The following LATS2 variants were observed in gnomAD, a reference collection of about 807,000 sequenced individuals.
The protein encoded by LATS2 is serine/threonine-protein kinase LATS2.
Under a neutral mutation model 76.0 loss-of-function variants are expected in LATS2, and 24 were observed. The ratio of observed to expected loss-of-function variants is 0.32; its 90% CI spans 0.23 to 0.44. LATS2 has a LOEUF of 0.44. Among genes scored for constraint, LATS2 ranks in the 20% least tolerant of loss-of-function variants. The pLI, the probability that LATS2 is intolerant of heterozygous loss-of-function variation, is 1.00. For synonymous variants in LATS2, 692 were observed against 635.4 expected, an observed-to-expected ratio of 1.09 and a Z score of -1.34; for missense variants, 1,286 against 1,481.2, an observed-to-expected ratio of 0.87 and a Z score of 2.16.
intron 2 of LATS2, among the ~76,000 whole-genome samples, chr13:21,029,069 CTT>C (rs1408789855): frequency 6.6e-6 from 1 of 152,132 alleles, no homozygotes; most frequent in Non-Finnish European, 1.5e-5. Flanking sequence ...AATCTGTGTA[CTT>C]TTATTTCTTT....
rs1362886438 is a variant in LATS2, at chr13:20,974,040, A to G, written c.*830T>C. On this transcript the variant is annotated 3_prime_UTR_variant, in exon 8 of 8. Coordinates refer to ENST00000382592, the MANE Select transcript of LATS2 (RefSeq NM_014572.3). ...AATCACTTCTCAGTTACACATCTGC[A>G]TTTCTTTAACAAAACAGTAAGAGAT... 9.4e-6 allele frequency: 2 copies of G among 212,178 alleles called. No homozygotes were observed. Among genetic ancestry groups the G allele is most frequent in the Non-Finnish European group, 1.8e-5 (2 of 108,378 alleles). The allele number at this position is 212,178 out of a possible 1,614,324, so 13.1% of individuals were successfully genotyped here.
chr13:20,997,967 A>G (rs190885311), intron 2 of LATS2, among the ~76,000 whole-genome samples: 41 of 152,322 alleles, frequency 2.7e-4, no homozygotes, highest in Middle Eastern at 3.4e-3. Context: ...TAAAGTTTTA[A>G]CATTCCAACT....
rs878921615 is a variant in LATS2 at position 21,046,343 on chromosome 13, A to C, written c.-204-113T>G. ...TGGAAATATACCGCTTGGAAAGAAAAGAAAGAACGCATCACCTCTCAGAAA... is the reference window on the plus strand; with the variant it reads ...TGGAAATATACCGCTTGGAAAGAAACGAAAGAACGCATCACCTCTCAGAAA... On this transcript the variant is annotated intron_variant, in intron 1 of 7. Transcript: ENST00000382592. The C allele has an allele frequency of 1.0e-5, 3 of 296,222 alleles. No individual in the cohort carries two copies. In the South Asian group the frequency reaches 1.8e-4, roughly 18 times the overall value. 18.3% of individuals were successfully genotyped at this position (296,222 alleles called of 1,614,324 possible).
chr13:21,007,761 T>TATATA lies in LATS2; in HGVS notation c.343-16358_343-16357insTATAT, dbSNP rs57849094. On this transcript the variant is annotated intron_variant, in intron 2 of 7. Transcript: ENST00000382592. ...GTATATATATATATATATATATATA[T>TATATA]TTTTTTTTTTTTTTTGAGATGGAGT... Among the ~76,000 whole-genome samples, 5 of 7,792 alleles carry TATATA rather than the reference T, an allele frequency of 6.4e-4. 1 individual carries two copies. Among genetic ancestry groups the TATATA allele is most frequent in the East Asian group, 5.1e-3 (1 of 198 alleles). The allele number at this position is 7,792 out of a possible 152,430, so 5.1% of individuals were successfully genotyped here. A position where few individuals can be genotyped will look rare whatever the true frequency, so the allele number is the denominator to read the frequency against.
chr13:21,057,626 T>C (rs902732917), intron 1 of LATS2, among the ~76,000 whole-genome samples: 3 of 149,116 alleles, frequency 2.0e-5, no homozygotes, highest in Admixed American at 1.4e-4. Context: ...ACCCCGTCTC[T>C]ACTAAAAGTA....
intron 3 of LATS2, 75 bp from the exon 4 acceptor site, chr13:20,989,379 C>G (rs1870409609): frequency 6.6e-7 from 1 of 1,513,976 alleles, no homozygotes; most frequent in Admixed American, 1.7e-5. Flanking sequence ...AGGCTGGTCC[C>G]CACTCTAGCG....
chr13:21,043,838 C>T (rs931583460), intron 2 of LATS2, among the ~76,000 whole-genome samples: 33 of 152,144 alleles, frequency 2.2e-4, no homozygotes, highest in African/African-American at 6.8e-4. Flanking sequence ...GAAACACAAC[C>T]GCAAAGAACA....
intron 2 of LATS2, among the ~76,000 whole-genome samples, chr13:21,034,910 C>G (rs965206478): frequency 3.3e-5 from 5 of 152,130 alleles, no homozygotes; most frequent in African/African-American, 4.8e-5. Context: ...AAAAAAATCT[C>G]CCCTCTAAAT....
At chr13:21,047,494 C>T (rs948690605) in intron 1 of LATS2, among the ~76,000 whole-genome samples, 3 of 152,240 alleles carry the variant, frequency 2.0e-5, no homozygotes, top group African/African-American at 7.2e-5. Context: ...GTGGCTGCCC[C>T]TTCCCTCACC....
chr13:20,999,761 AATTTGTT>A lies in LATS2; in HGVS notation c.343-8364_343-8358del, dbSNP rs541723435. 1.5e-4 allele frequency among the ~76,000 whole-genome samples: 23 copies of A among 151,996 alleles called. No homozygotes were observed. In the South Asian group the frequency reaches 4.4e-3, roughly 29 times the overall value. ...ACATGAGCTAGGGTGCCTGGCCTTA[AATTTGTT>A]ATAAAATAAAATGAACATGAAAAAT... On this transcript the variant is annotated intron_variant, in intron 2 of 7. Coordinates refer to ENST00000382592, the MANE Select transcript of LATS2 (RefSeq NM_014572.3).
At chr13:21,057,533 C>T (rs1595261772) in intron 1 of LATS2, among the ~76,000 whole-genome samples, 1 of 152,244 alleles carries the variant, frequency 6.6e-6, no homozygotes, top group Middle Eastern at 3.4e-3. Context: ...AATCACGTAA[C>T]AGGCCGGGCG....
rs1242860436 is a variant in LATS2, at chr13:21,040,391, AG to A, written c.342+5293del. ...GACCTTGTCTCAAAAAAAAAAAAAAAGAAAGAAAAAGAAAAAGAAAGAAATG... is the reference window on the plus strand; with the variant it reads ...GACCTTGTCTCAAAAAAAAAAAAAAAAAAGAAAAAGAAAAAGAAAGAAATG... On this transcript the variant is annotated intron_variant, in intron 2 of 7. Coordinates refer to ENST00000382592, the MANE Select transcript of LATS2 (RefSeq NM_014572.3). 3.6e-3 allele frequency among the ~76,000 whole-genome samples: 544 copies of A among 150,854 alleles called. 1 individual carries two copies. Among genetic ancestry groups the A allele is most frequent in the African/African-American group, 0.013 (515 of 40,556 alleles).
At chr13:21,039,820 C>A (rs1872804555) in intron 2 of LATS2, among the ~76,000 whole-genome samples, 2 of 152,204 alleles carry the variant, frequency 1.3e-5, no homozygotes, top group African/African-American at 4.8e-5. Context: ...CACCTGTAAT[C>A]CCAGCACTTT....
At chr13:21,005,388 C>T (rs868610425) in intron 2 of LATS2, 1 of 152,226 alleles carries the variant, frequency 6.6e-6, no homozygotes, top group South Asian at 2.1e-4. Context: ...GGGCAGGGCT[C>T]ATGCTGGCCA....
intron 2 of LATS2, among the ~76,000 whole-genome samples, chr13:21,021,674 T>G (rs1872072262): frequency 6.6e-6 from 1 of 152,116 alleles, no homozygotes; most frequent in Non-Finnish European, 1.5e-5. Flanking sequence ...TTTGAAGAAT[T>G]GAGGACACCT....
At chr13:21,049,525 C>T (rs1873187719) in intron 1 of LATS2, among the ~76,000 whole-genome samples, 3 of 152,108 alleles carry the variant, frequency 2.0e-5, no homozygotes, top group Admixed American at 2.0e-4. Flanking sequence ...TGGCTGAGGC[C>T]CTCCCGGCTC....
intron 4 of LATS2, 116 bp downstream of exon 4, chr13:20,987,765 A>T: frequency 8.3e-7 from 1 of 1,205,138 alleles, no homozygotes; most frequent in Non-Finnish European, 1.2e-6. Flanking sequence ...GTCGCCCATT[A>T]GCCGTTTTGA....
chr13:21,025,020 T>G (rs1872253223), intron 2 of LATS2, among the ~76,000 whole-genome samples: 1 of 152,134 alleles, frequency 6.6e-6, no homozygotes, highest in African/African-American at 2.4e-5. Flanking sequence ...GATTCATTGA[T>G]TTTTATATAT....
chr13:21,007,607 G>GTA (rs1172917714), intron 2 of LATS2, among the ~76,000 whole-genome samples: 5 of 5,756 alleles, frequency 8.7e-4, no homozygotes, highest in Non-Finnish European at 1.1e-3. Flanking sequence ...TATATAGTGT[G>GTA]TATATATATA....
Sources: gnomAD v4.1 joint callset for allele counts (sites outside exome capture counted in the v4.1 genomes callset) on GRCh38, gnomAD v4.1.1 for gene constraint, MANE v1.5 for transcripts, NCBI Gene and HGNC (gene_info 2026-07-23, HGNC 2026-07-21) for gene names.